TEAD4: variants seen among roughly 807,000 people sequenced by gnomAD.
TEAD4 encodes the protein transcriptional enhancer factor TEF-3.
TEAD4 carries 36 observed loss-of-function variants against 52.4 expected under a neutral mutation model. The observed-to-expected ratio is 0.69, with a 90% CI of 0.53 to 0.91. The LOEUF (loss-of-function observed/expected upper bound fraction) is 0.91, where lower values mean the gene tolerates loss of function less well. Ranked by LOEUF, TEAD4 falls within the 40% of genes least tolerant of loss-of-function variation. The pLI, the probability that TEAD4 is intolerant of heterozygous loss-of-function variation, is 0.00. For synonymous variants in TEAD4, 220 were observed against 231.0 expected (o/e 0.95, Z 0.43); for missense variants, 508 against 583.9 (o/e 0.87, Z 1.34).
intron 10 of TEAD4, among the ~76,000 whole-genome samples, chr12:3,036,693 G>A (rs530672857): frequency 9.8e-5 from 15 of 152,286 alleles, no homozygotes; most frequent in African/African-American, 2.4e-4. Flanking sequence ...GTGCCTGTGC[G>A]TTGTTTCTGA....
At chr12:3,005,995 C>T (rs1277857853) in intron 3 of TEAD4, among the ~76,000 whole-genome samples, 3 of 152,076 alleles carry the variant, frequency 2.0e-5, no homozygotes, top group East Asian at 1.9e-4. Flanking sequence ...CGAATAATAA[C>T]GTATTGCATT....
chr12:3,017,236 C>T (rs915844722), intron 5 of TEAD4, 162 bp from the exon 6 acceptor site: 7 of 880,262 alleles, frequency 8.0e-6, no homozygotes, highest in Non-Finnish European at 1.3e-5. Flanking sequence ...CTGACTTTCT[C>T]AGTTGCAAAA....
At chr12:3,040,034 C>G in intron 11 of TEAD4, 73 bp from the exon 12 acceptor site, 2 of 1,580,876 alleles carry the variant, frequency 1.3e-6, no homozygotes, top group Non-Finnish European at 1.7e-6. Context: ...GCCTTTCCTT[C>G]CCGTGGAGTT....
chr12:2,983,512 G>A (rs1009322692), intron 2 of TEAD4, among the ~76,000 whole-genome samples: 1 of 152,164 alleles, frequency 6.6e-6, no homozygotes, highest in African/African-American at 2.4e-5. Context: ...TTGTTTTACA[G>A]ATAAGCAAAA....
At chr12:3,022,809 C>T (rs2098269614) in intron 10 of TEAD4, among the ~76,000 whole-genome samples, 1 of 152,106 alleles carries the variant, frequency 6.6e-6, no homozygotes, top group African/African-American at 2.4e-5. Context: ...CTGAGGCCTC[C>T]AGTATTCTCA....
intron 5 of TEAD4, 76 bp downstream of exon 5, chr12:3,012,308 G>GAAGATATGACCCTTTGGGGTCAGCACA: frequency 6.7e-7 from 1 of 1,493,628 alleles, no homozygotes; most frequent in Non-Finnish European, 9.2e-7. Flanking sequence ...TGGGGTCAGG[G>GAAGATATGACCCTTTGGGGTCAGCACA]CATCACTGCT....
chr12:2,973,792 G>A (rs1013888597), intron 2 of TEAD4, among the ~76,000 whole-genome samples: 1 of 152,186 alleles, frequency 6.6e-6, no homozygotes, highest in Non-Finnish European at 1.5e-5. Context: ...TGTCCAGCCT[G>A]CATTTCAACC....
chr12:3,034,911 T>C (rs2098278383), intron 10 of TEAD4, among the ~76,000 whole-genome samples: 3 of 151,170 alleles, frequency 2.0e-5, no homozygotes, highest in Non-Finnish European at 2.9e-5. Context: ...CTGGCCGATA[T>C]GGTGAAACCC....
chr12:3,021,753 A>G (rs2098268853), intron 9 of TEAD4, 91 bp from the exon 10 acceptor site: 4 of 1,417,934 alleles, frequency 2.8e-6, no homozygotes, highest in African/African-American at 1.4e-5. Flanking sequence ...AGCGGCTTGC[A>G]CCAGGTCACG....
chr12:2,992,555 G>A (rs867388833), intron 2 of TEAD4, among the ~76,000 whole-genome samples: 12 of 152,306 alleles, frequency 7.9e-5, no homozygotes, highest in East Asian at 1.9e-4. Flanking sequence ...AATGATAAGC[G>A]AGGAATGCTC....
chr12:2,995,272 G>A (rs1329636703), intron 3 of TEAD4, among the ~76,000 whole-genome samples: 1 of 152,174 alleles, frequency 6.6e-6, no homozygotes, highest in African/African-American at 2.4e-5. Context: ...CCCAGAGCAG[G>A]TGGGGAGCAC....
At chr12:3,034,171 G>A (rs1445424568) in intron 10 of TEAD4, among the ~76,000 whole-genome samples, 2 of 151,958 alleles carry the variant, frequency 1.3e-5, no homozygotes, top group African/African-American at 2.4e-5. Flanking sequence ...GCTGGCCTGG[G>A]CTGGACAAAT....
chr12:3,016,662 G>C (rs1038195703), intron 5 of TEAD4, among the ~76,000 whole-genome samples: 3 of 152,136 alleles, frequency 2.0e-5, no homozygotes, highest in South Asian at 2.1e-4. Flanking sequence ...TCTTGAAATA[G>C]GGAATGTTGT....
intron 2 of TEAD4, among the ~76,000 whole-genome samples, chr12:2,989,020 G>A (rs2098240955): frequency 1.3e-5 from 2 of 152,156 alleles, no homozygotes; most frequent in African/African-American, 4.8e-5. Flanking sequence ...ACTATGGCAG[G>A]TTAATTGATC....
rs1033456073 is a variant in TEAD4 at position 3,027,762 on chromosome 12, G to A, written c.897+5745G>A. On this transcript the variant is annotated intron_variant, in intron 10 of 12. Coordinates refer to ENST00000359864, the MANE Select transcript of TEAD4 (RefSeq NM_003213.4). ...CGTGCCTGTAATCCAAGCTACTCAG[G>A]TGGCTGAGATGGGAAGATCGCTTGA... Among the ~76,000 whole-genome samples the A allele has an allele frequency of 3.0e-4, 46 of 152,292 alleles. 1 individual carries two copies. The highest frequency in any genetic ancestry group is 3.4e-3 in the Middle Eastern group (1 of 294).
At chr12:2,981,814 G>T (rs1226067478) in intron 2 of TEAD4, among the ~76,000 whole-genome samples, 1 of 152,138 alleles carries the variant, frequency 6.6e-6, no homozygotes, top group Admixed American at 6.5e-5. Context: ...CTGGAAGAAG[G>T]CTGGGGTCTG....
At chr12:3,034,485 G>T (rs112758728) in intron 10 of TEAD4, among the ~76,000 whole-genome samples, 1 of 152,144 alleles carries the variant, frequency 6.6e-6, no homozygotes, top group African/African-American at 2.4e-5. Flanking sequence ...GACAAGCAGG[G>T]TAATAGAGGG....
At chr12:3,027,620 A>G (rs977630446) in intron 10 of TEAD4, among the ~76,000 whole-genome samples, 3 of 152,176 alleles carry the variant, frequency 2.0e-5, no homozygotes, top group Non-Finnish European at 2.9e-5. Context: ...TAACCCCTAC[A>G]CTTTGGGAGG....
intron 5 of TEAD4, among the ~76,000 whole-genome samples, chr12:3,015,778 C>T (rs1304143953): frequency 2.0e-5 from 3 of 152,010 alleles, no homozygotes; most frequent in Non-Finnish European, 4.4e-5. Context: ...GCCTCAGCCT[C>T]CCAAGTAGTT....
Sources: gnomAD v4.1 joint callset for allele counts (sites outside exome capture counted in the v4.1 genomes callset) on GRCh38, gnomAD v4.1.1 for gene constraint, MANE v1.5 for transcripts, NCBI Gene and HGNC (gene_info 2026-07-23, HGNC 2026-07-21) for gene names.